CDKL1: variants seen among roughly 807,000 people sequenced by gnomAD.
The protein encoded by CDKL1 is cyclin-dependent kinase-like 1.
Under a neutral mutation model 42.0 loss-of-function variants are expected in CDKL1, and 41 were observed. The ratio of observed to expected loss-of-function variants is 0.98; its 90% CI spans 0.76 to 1.27. The LOEUF is 1.27. CDKL1 is among the 50% of genes most tolerant of loss of function. The pLI, the probability that CDKL1 is intolerant of heterozygous loss-of-function variation, is 0.00. For synonymous variants in CDKL1, 153 were observed against 158.6 expected (o/e 0.96, Z 0.26); for missense variants, 394 against 428.4 (o/e 0.92, Z 0.71).
At chr14:50,347,765 C>T (rs2033775898) in intron 3 of CDKL1, among the ~76,000 whole-genome samples, 2 of 152,090 alleles carry the variant, frequency 1.3e-5, no homozygotes, top group Admixed American at 1.3e-4. Flanking sequence ...GGGCCTAGGA[C>T]TGAATGAAGC....
At chr14:50,337,261 G>A (rs550593891) in intron 7 of CDKL1, among the ~76,000 whole-genome samples, 29 of 150,944 alleles carry the variant, frequency 1.9e-4, no homozygotes, top group African/African-American at 2.4e-4. Context: ...CACCTGCCTC[G>A]GCCTCCCAAA....
At chr14:50,377,509 C>T in intron 2 of CDKL1, 1 of 1,075,950 alleles carries the variant, frequency 9.3e-7, no homozygotes, top group Non-Finnish European at 1.2e-6. Context: ...ACTTTACTTT[C>T]TGGGAGGTGC....
rs941115113 is a variant in CDKL1 at position 50,339,041 on chromosome 14, A to G, written c.656-12T>C. 13 of 1,575,164 alleles carry G rather than the reference A, an allele frequency of 8.3e-6. No individual in the cohort carries two copies. Among genetic ancestry groups the G allele is most frequent in the East Asian group, 2.2e-5 (1 of 44,706 alleles). On this transcript the variant is annotated splice_polypyrimidine_tract_variant and intron_variant, in intron 6 of 9. Coordinates refer to ENST00000395834, the MANE Select transcript of CDKL1 (RefSeq NM_004196.7). The stretch of plus-strand genomic sequence containing the variant: ...AGGAATGAGATCCCCTTTGGACAAG[A>G]AAAGAAAAAGGTAAGTGAAATTGGT...
chr14:50,330,673 A>T (rs962372354), intron 9 of CDKL1: 1 of 152,714 alleles, frequency 6.5e-6, no homozygotes, highest in Non-Finnish European at 1.5e-5. Flanking sequence ...AGCCCAGGAG[A>T]GCAGCCTGGG....
At chr14:50,346,111 T>C (rs1476055622) in intron 3 of CDKL1, among the ~76,000 whole-genome samples, 1 of 152,006 alleles carries the variant, frequency 6.6e-6, no homozygotes, top group Non-Finnish European at 1.5e-5. Flanking sequence ...TGAGTAGCTG[T>C]GTTAAGGGGA....
chr14:50,397,174 C>G, upstream of CDKL1: 1 of 1,366,554 alleles, frequency 7.3e-7, no homozygotes, highest in South Asian at 1.1e-5. Flanking sequence ...GCTAGGAGCC[C>G]CTCCTGAGCG....
At chr14:50,331,828 C>CCAA (rs2032958951) in intron 9 of CDKL1, 1 of 595,150 alleles carries the variant, frequency 1.7e-6, no homozygotes, top group Admixed American at 3.2e-5. Flanking sequence ...TTTGCCCTAG[C>CCAA]CAACTCTGAC....
chr14:50,394,978 T>G (rs2035356945), intron 2 of CDKL1, among the ~76,000 whole-genome samples: 1 of 151,926 alleles, frequency 6.6e-6, no homozygotes, highest in Admixed American at 6.6e-5. Context: ...CTCTAAAAAA[T>G]GTTAAAAAAA....
intron 2 of CDKL1, among the ~76,000 whole-genome samples, chr14:50,376,927 C>A (rs1335530449): frequency 1.3e-5 from 2 of 152,062 alleles, no homozygotes; most frequent in Non-Finnish European, 2.9e-5. Context: ...ATGAGGGAAG[C>A]CCTCACTGAG....
chr14:50,367,839 C>T (rs9635165), intron 2 of CDKL1, among the ~76,000 whole-genome samples: 6,766 of 152,288 alleles, frequency 0.044, 271 homozygotes, highest in East Asian at 0.18. Flanking sequence ...TCTAGAAGCA[C>T]GGGCCTGCTC....
intron 1 of CDKL1, 97 bp from the exon 2 acceptor site, chr14:50,396,426 G>A: frequency 3.0e-6 from 3 of 985,542 alleles, no homozygotes; most frequent in Non-Finnish European, 3.6e-6. Flanking sequence ...GCTGCCTCCA[G>A]TAACCCGATT....
At chr14:50,370,103 C>G (rs571358443) in intron 2 of CDKL1, among the ~76,000 whole-genome samples, 86 of 149,866 alleles carry the variant, frequency 5.7e-4, no homozygotes, top group Admixed American at 4.1e-3. Context: ...GAGTCTTGCT[C>G]TGTCACCCAG....
Position 50,329,872 on chromosome 14 carries a change from C to T in CDKL1, c.*202G>A. On this transcript the variant is annotated 3_prime_UTR_variant, in exon 10 of 10. Coordinates refer to ENST00000395834, the MANE Select transcript of CDKL1 (RefSeq NM_004196.7). ...AAGTGCAACTCCAAACAGGTTTTTTCTTTTCTGGACACCATCATCAAGCAT... is the reference window on the plus strand; with the variant it reads ...AAGTGCAACTCCAAACAGGTTTTTTTTTTTCTGGACACCATCATCAAGCAT... 1 of 594,032 alleles carries T rather than the reference C, an allele frequency of 1.7e-6. No individual in the cohort carries two copies. The highest frequency in any genetic ancestry group is 2.8e-6 in the Non-Finnish European group (1 of 362,934). 36.8% of individuals were successfully genotyped at this position (594,032 alleles called of 1,614,324 possible). A position where few individuals can be genotyped will look rare whatever the true frequency, so the allele number is the denominator to read the frequency against.
Position 50,342,236 on chromosome 14 carries a change from T to A in CDKL1, c.364-14A>T, listed in dbSNP as rs779651549. 2 of 1,606,820 alleles carry A rather than the reference T, an allele frequency of 1.2e-6. No individual in the cohort carries two copies. Among genetic ancestry groups the A allele is most frequent in the Non-Finnish European group, 1.7e-6 (2 of 1,173,628 alleles). On this transcript the variant is annotated splice_polypyrimidine_tract_variant and intron_variant, in intron 4 of 9. Coordinates refer to ENST00000395834, the MANE Select transcript of CDKL1 (RefSeq NM_004196.7). ...TCTATGTATGCACTAGTGTAACAAA[T>A]CAAAACAAAAACAATATTAAGGCTG...
rs569552874 is a variant in CDKL1, at chr14:50,337,910, A to G, written c.738+1037T>C. Among the ~76,000 whole-genome samples, 16 of 152,000 alleles carry G rather than the reference A, an allele frequency of 1.1e-4. No homozygotes were observed. The South Asian group carries it at 1.5e-3, about 14-fold the overall frequency. On this transcript the variant is annotated intron_variant, in intron 7 of 9. Coordinates refer to ENST00000395834, the MANE Select transcript of CDKL1 (RefSeq NM_004196.7). Reference sequence around the variant, plus strand: ...TGCCCGTGCTGGTCTCGAGCCCCTGATCCACCTGCCTCAGCCTCCCAAAAT... The same window carrying G: ...TGCCCGTGCTGGTCTCGAGCCCCTGGTCCACCTGCCTCAGCCTCCCAAAAT...
Position 50,326,399 on chromosome 14 carries a change from G to C in CDKL1, c.*3675C>G, listed in dbSNP as rs149907445. The C allele has an allele frequency of 8.4e-5, 80 of 950,682 alleles. 1 individual carries two copies. In the African/African-American group the frequency reaches 1.3e-3, roughly 15 times the overall value. 58.9% of individuals were successfully genotyped at this position (950,682 alleles called of 1,614,324 possible). A position where few individuals can be genotyped will look rare whatever the true frequency, so the allele number is the denominator to read the frequency against. ...TAATTTACATTTAACTTTAAAGTTA[G>C]TGAAGCATACTACCATAAATGCACA... On this transcript the variant is annotated 3_prime_UTR_variant, in exon 10 of 10. Transcript: ENST00000395834.
chr14:50,358,904 T>C, intron 3 of CDKL1, 124 bp downstream of exon 3: 4 of 901,232 alleles, frequency 4.4e-6, no homozygotes, highest in Non-Finnish European at 6.9e-6. Context: ...CCTCCCAAAG[T>C]GCTGGGATTA....
At chr14:50,356,054 A>C (rs917079143) in intron 3 of CDKL1, among the ~76,000 whole-genome samples, 2 of 152,218 alleles carry the variant, frequency 1.3e-5, no homozygotes, top group Admixed American at 1.3e-4. Context: ...ACTTAGAAAT[A>C]TAAGAAGTGA....
At chr14:50,382,935 T>G (rs1324323167) in intron 2 of CDKL1, among the ~76,000 whole-genome samples, 9 of 151,454 alleles carry the variant, frequency 5.9e-5, no homozygotes, top group Non-Finnish European at 1.0e-4. Flanking sequence ...TTTTTGTTTT[T>G]TTTTTTTTTT....
Sources: gnomAD v4.1 joint callset for allele counts (sites outside exome capture counted in the v4.1 genomes callset) on GRCh38, gnomAD v4.1.1 for gene constraint, MANE v1.5 for transcripts, NCBI Gene and HGNC (gene_info 2026-07-23, HGNC 2026-07-21) for gene names.